The following DAPK1 variants were observed in gnomAD, a reference collection of about 807,000 sequenced individuals.
DAPK1 encodes death associated protein kinase 1.
A neutral mutation model predicts 144.9 loss-of-function variants in DAPK1; 56 were observed. The observed-to-expected ratio is 0.39, with a 90% CI of 0.31 to 0.48. DAPK1 has a LOEUF of 0.48. Among genes scored for constraint, DAPK1 ranks in the 20% least tolerant of loss-of-function variants. The pLI is 0.95. For missense variants in DAPK1, 1,454 were observed against 1,875.4 expected (o/e 0.78, Z 4.15); for synonymous variants, 690 against 749.0 (o/e 0.92, Z 1.29).
intron 2 of DAPK1, among the ~76,000 whole-genome samples, chr9:87,536,632 A>G (rs1307474257): frequency 6.6e-6 from 1 of 152,192 alleles, no homozygotes; most frequent in Non-Finnish European, 1.5e-5. Context: ...GCATAAATAA[A>G]TAAATCAGGG....
chr9:87,575,235 A>G (rs373218024), intron 2 of DAPK1, among the ~76,000 whole-genome samples: 1 of 76,790 alleles, frequency 1.3e-5, no homozygotes, highest in Non-Finnish European at 2.5e-5. Flanking sequence ...ATAAAATAAA[A>G]TAAAATAAAA....
chr9:87,575,055 T>G (rs1827490363), intron 2 of DAPK1, among the ~76,000 whole-genome samples: 1 of 151,448 alleles, frequency 6.6e-6, no homozygotes, highest in Admixed American at 6.6e-5. Context: ...CCATCTCTAC[T>G]AAAAATACAA....
At chr9:87,571,476 A>ACACACCC (rs771023885) in intron 2 of DAPK1, among the ~76,000 whole-genome samples, 2 of 48,546 alleles carry the variant, frequency 4.1e-5, no homozygotes, top group African/African-American at 9.2e-5. Flanking sequence ...CACACACACC[A>ACACACCC]ACACACACAC....
chr9:87,660,073 C>T (rs938079425), intron 18 of DAPK1, among the ~76,000 whole-genome samples: 4 of 152,164 alleles, frequency 2.6e-5, no homozygotes, highest in South Asian at 2.1e-4. Flanking sequence ...GGCCAGGCCC[C>T]GTCCTCAGCC....
chr9:87,656,180 A>G (rs974004422), intron 17 of DAPK1, among the ~76,000 whole-genome samples: 3 of 152,152 alleles, frequency 2.0e-5, no homozygotes, highest in Non-Finnish European at 4.4e-5. Flanking sequence ...TTTTCCACCA[A>G]GGGAAGCCAG....
chr9:87,650,596 T>A (rs536468205), intron 16 of DAPK1: 111 of 199,098 alleles, frequency 5.6e-4, no homozygotes, highest in Non-Finnish European at 8.7e-4. Context: ...CTGTTTTTAT[T>A]GTGATCTGTA....
At chr9:87,658,813 G>A (rs974483554) in intron 18 of DAPK1, among the ~76,000 whole-genome samples, 52 of 152,260 alleles carry the variant, frequency 3.4e-4, no homozygotes, top group East Asian at 1.2e-3. Flanking sequence ...TGGCCTGAGA[G>A]TAGGCTGACT....
At chr9:87,580,783 C>T (rs1195269640) in intron 2 of DAPK1, among the ~76,000 whole-genome samples, 1 of 152,188 alleles carries the variant, frequency 6.6e-6, no homozygotes, top group Non-Finnish European at 1.5e-5. Context: ...AAGACATATA[C>T]GAGTCTCCCA....
intron 3 of DAPK1, among the ~76,000 whole-genome samples, chr9:87,614,107 G>A (rs1829016358): frequency 6.6e-6 from 1 of 152,168 alleles, no homozygotes; most frequent in Non-Finnish European, 1.5e-5. Context: ...AAAACCCTGT[G>A]TGTGTCTTCC....
intron 2 of DAPK1, among the ~76,000 whole-genome samples, chr9:87,536,103 T>C (rs1007140414): frequency 6.6e-6 from 1 of 152,224 alleles, no homozygotes; most frequent in Non-Finnish European, 1.5e-5. Context: ...AGTTAGTATA[T>C]TGCTCAAAAC....
At chr9:87,658,667 C>T (rs1483681559) in intron 18 of DAPK1, among the ~76,000 whole-genome samples, 1 of 152,236 alleles carries the variant, frequency 6.6e-6, no homozygotes, top group Non-Finnish European at 1.5e-5. Context: ...CTCCCGATGC[C>T]AGACCTAGCA....
intron 2 of DAPK1, among the ~76,000 whole-genome samples, chr9:87,571,723 G>A (rs1166797931): frequency 6.6e-6 from 1 of 152,150 alleles, no homozygotes; most frequent in Non-Finnish European, 1.5e-5. Flanking sequence ...ACAGTGATCT[G>A]CGGGCAGTGC....
chr9:87,650,436 A>G (rs1418835878), intron 16 of DAPK1: 2 of 290,778 alleles, frequency 6.9e-6, no homozygotes, highest in Non-Finnish European at 1.3e-5. Flanking sequence ...GAGGACTGAC[A>G]TTGGCAACAC....
chr9:87,693,537 G>C (rs1438006517), intron 21 of DAPK1, among the ~76,000 whole-genome samples: 3 of 151,966 alleles, frequency 2.0e-5, no homozygotes, highest in Non-Finnish European at 4.4e-5. Context: ...TCATGATTCT[G>C]AGTACTTTTT....
intron 17 of DAPK1, among the ~76,000 whole-genome samples, chr9:87,654,054 GT>G: frequency 6.6e-6 from 1 of 152,162 alleles, no homozygotes; most frequent in African/African-American, 2.4e-5. Flanking sequence ...TCCTACTACC[GT>G]TTTTTGTGCT....
chr9:87,577,728 G>A (rs1827616482), intron 2 of DAPK1, among the ~76,000 whole-genome samples: 1 of 152,174 alleles, frequency 6.6e-6, no homozygotes, highest in Admixed American at 6.5e-5. Flanking sequence ...AACCCGGGAG[G>A]CGGAGGTTGC....
chr9:87,554,053 T>C (rs1826605501), intron 2 of DAPK1: 1 of 144,962 alleles, frequency 6.9e-6, no homozygotes, highest in Non-Finnish European at 1.5e-5. Flanking sequence ...TGCTCCCCTT[T>C]TCAGAAAAAT....
intron 2 of DAPK1, among the ~76,000 whole-genome samples, chr9:87,512,424 C>A (rs1009827137): frequency 1.3e-5 from 2 of 152,082 alleles, no homozygotes; most frequent in Non-Finnish European, 2.9e-5. Flanking sequence ...TGACATGTAC[C>A]AATTTAAGAT....
rs767860793 is a variant in DAPK1 at position 87,706,121 on chromosome 9, TC to T, written c.3061-5del. On this transcript the variant is annotated splice_polypyrimidine_tract_variant and intron_variant, in intron 25 of 25. Coordinates refer to ENST00000408954, the MANE Select transcript of DAPK1 (RefSeq NM_004938.4). The surrounding 1 kb of genome is among the most constrained non-coding windows in gnomAD (Gnocchi z 9.0). ...TGTCCCTAAGCGTGACTTTCTGTTG[TC>T]CCCCCGCAGATCAACATCATGCAAA... The T allele has an allele frequency of 1.9e-6, 3 of 1,570,410 alleles. No homozygotes were observed. Among genetic ancestry groups the T allele is most frequent in the South Asian group, 1.2e-5 (1 of 85,428 alleles).
Sources: gnomAD v4.1 joint callset for allele counts (sites outside exome capture counted in the v4.1 genomes callset) on GRCh38, gnomAD v4.1.1 for gene constraint, Gnocchi (gnomAD v3.1) non-coding constraint, MANE v1.5 for transcripts, NCBI Gene and HGNC (gene_info 2026-07-23, HGNC 2026-07-21) for gene names.